The following KLF9 variants were observed in gnomAD, a reference collection of about 807,000 sequenced individuals.
KLF9 encodes the protein KLF transcription factor 9.
A neutral mutation model predicts 17.3 loss-of-function variants in KLF9; 2 were observed. The ratio of observed to expected loss-of-function variants is 0.12; its 90% confidence interval spans 0.05 to 0.36. The LOEUF is 0.36. KLF9 is among the 10% of genes least tolerant of loss of function. The pLI is 1.00. For synonymous variants in KLF9, 138 were observed against 139.2 expected (o/e 0.99, Z 0.06); for missense variants, 226 against 333.2 (o/e 0.68, Z 2.51).
At chr9:70,399,537 T>C (rs1201502228) in intron 1 of KLF9, among the ~76,000 whole-genome samples, 1 of 152,262 alleles carries the variant, frequency 6.6e-6, no homozygotes, top group Non-Finnish European at 1.5e-5. Flanking sequence ...GAACAGATTC[T>C]TTGAATCTTT....
chr9:70,387,900 C>T lies in KLF9; in HGVS notation c.611G>A (p.Arg204His), dbSNP rs1405270569. The T allele has an allele frequency of 3.1e-6, 5 of 1,614,006 alleles. No homozygotes were observed. The highest frequency in any genetic ancestry group is 4.5e-5 in the East Asian group (2 of 44,878). Residue 204 changes from arginine to histidine, a missense_variant, in exon 2 of 2, where the codon CGC becomes CAC. Transcript: ENST00000377126. ...GAAGCGCTTCTCACACAGCGGACAG[C>T]GGAACTGCTTTTCCCCAGTGTGGGT... ...YRTHTGEKQF[R>H]CPLCEKRFMR...
chr9:70,384,894 C>T lies in KLF9; in HGVS notation c.*2882G>A, dbSNP rs2037098955. The T allele has an allele frequency of 2.0e-5, 3 of 152,546 alleles. No homozygotes were observed. In the South Asian group the frequency reaches 6.2e-4, roughly 32 times the overall value. 9.4% of individuals were successfully genotyped at this position (152,546 alleles called of 1,614,324 possible). On this transcript the variant is annotated 3_prime_UTR_variant, in exon 2 of 2. Transcript: ENST00000377126. ...TAATCAGTTTCTGTAATTGTAACTA[C>T]CAAATAGAATTCTCAAGAGAAGCAT...
chr9:70,412,505 C>G (rs886389392), intron 1 of KLF9, among the ~76,000 whole-genome samples: 1 of 152,212 alleles, frequency 6.6e-6, no homozygotes, highest in Non-Finnish European at 1.5e-5. Context: ...CATCTGACTT[C>G]CCCGCTGCCA....
intron 1 of KLF9, among the ~76,000 whole-genome samples, chr9:70,410,101 A>G (rs896436143): frequency 6.6e-5 from 10 of 152,232 alleles, no homozygotes; most frequent in African/African-American, 2.2e-4. Flanking sequence ...CTTAAATGCC[A>G]AAAGAGATCC....
In KLF9 at chr9:70,387,803, C is replaced by T. The variant is rs763161783; in HGVS notation, c.708G>A (p.Ser236=). ...ACAAAGCGTTGGCCAGCGCCTTTTT[C>T]GATCGCTTGATCATGCTGGGGTGGA... The part of the protein sequence containing the change: ...TEFHPSMIKR[S]KKALANAL The change falls in exon 2 of 2, where the codon TCG becomes TCA. Residue 236 remains serine (S), a synonymous_variant. Coordinates refer to ENST00000377126, the MANE Select transcript of KLF9 (RefSeq NM_001206.4). 6 of 1,614,026 alleles carry T rather than the reference C, an allele frequency of 3.7e-6. No individual in the cohort carries two copies. Among genetic ancestry groups the T allele is most frequent in the Non-Finnish European group, 5.1e-6 (6 of 1,180,004 alleles).
In KLF9 at chr9:70,386,613, A is replaced by C. The variant is rs1022709858; in HGVS notation, c.*1163T>G. On this transcript the variant is annotated 3_prime_UTR_variant, in exon 2 of 2. Coordinates refer to ENST00000377126, the MANE Select transcript of KLF9 (RefSeq NM_001206.4). ...AGGAGACCAACAAACCTTTTTCCCCAAAAAATAGGTGTTTCCAGATCTCAT... is the reference window on the plus strand; with the variant it reads ...AGGAGACCAACAAACCTTTTTCCCCCAAAAATAGGTGTTTCCAGATCTCAT... 2.6e-5 allele frequency: 4 copies of C among 152,620 alleles called. No individual in the cohort carries two copies. Among genetic ancestry groups the C allele is most frequent in the African/African-American group, 7.2e-5 (3 of 41,450 alleles). 9.5% of individuals were successfully genotyped at this position (152,620 alleles called of 1,614,324 possible).
At chr9:70,401,840 C>A (rs896816584) in intron 1 of KLF9, among the ~76,000 whole-genome samples, 60 of 151,434 alleles carry the variant, frequency 4.0e-4, no homozygotes, top group African/African-American at 1.4e-3. Flanking sequence ...CATGGTAAAA[C>A]CCCGTCTCTA....
rs1323612019 is a variant in KLF9, at chr9:70,387,619, A to G, written c.*157T>C. 3 of 643,618 alleles carry G rather than the reference A, an allele frequency of 4.7e-6. No homozygotes were observed. The South Asian group carries it at 5.6e-5, about 12-fold the overall frequency. 39.9% of individuals were successfully genotyped at this position (643,618 alleles called of 1,614,324 possible). On this transcript the variant is annotated 3_prime_UTR_variant, in exon 2 of 2. Coordinates refer to ENST00000377126, the MANE Select transcript of KLF9 (RefSeq NM_001206.4). ...GGCTACAATGTGCTTTTTAAAAACAATGCAGGGAGAGGAAAATCAGAATAT... is the reference window on the plus strand; with the variant it reads ...GGCTACAATGTGCTTTTTAAAAACAGTGCAGGGAGAGGAAAATCAGAATAT...
chr9:70,397,252 A>T (rs1425695541), intron 1 of KLF9, among the ~76,000 whole-genome samples: 1 of 152,084 alleles, frequency 6.6e-6, no homozygotes, highest in Non-Finnish European at 1.5e-5. Flanking sequence ...AGGGGGGTGG[A>T]TCGCTTGAGG....
chr9:70,401,170 A>G (rs1258175362), intron 1 of KLF9, among the ~76,000 whole-genome samples: 1 of 109,516 alleles, frequency 9.1e-6, no homozygotes, highest in Non-Finnish European at 2.2e-5. Context: ...CCCATCTCCA[A>G]AAAAAAAAAA....
chr9:70,413,268 G>A lies in KLF9; in HGVS notation c.96C>T (p.Asp32=). The A allele has an allele frequency of 6.2e-7, 1 of 1,613,342 alleles. No individual in the cohort carries two copies. The highest frequency in any genetic ancestry group is 8.5e-7 in the Non-Finnish European group (1 of 1,179,928). Residue 32 remains aspartate (D), a synonymous_variant, in exon 1 of 2, where the codon GAC becomes GAT. Transcript: ENST00000377126. The surrounding 1 kb of genome is among the most constrained non-coding windows in gnomAD (Gnocchi z 5.6). ...GCTCAGGTAGTCGCAGCCGCTCGGC[G>A]TCCGGAGCGACCCCATGCTCCGGCA... ...AAVPEHGVAP[D]AERLRLPERE...
intron 1 of KLF9, among the ~76,000 whole-genome samples, chr9:70,410,205 C>T (rs1201295474): frequency 1.3e-5 from 2 of 152,200 alleles, no homozygotes; most frequent in Non-Finnish European, 1.5e-5. Context: ...TTTGCCAGAT[C>T]TTTTGATTTT....
chr9:70,394,094 A>G (rs1334825022), intron 1 of KLF9, among the ~76,000 whole-genome samples: 2 of 151,720 alleles, frequency 1.3e-5, no homozygotes, highest in Non-Finnish European at 2.9e-5. Context: ...AGATAAAAGA[A>G]GAATTTGGGC....
intron 1 of KLF9, among the ~76,000 whole-genome samples, chr9:70,401,729 A>G (rs1187532236): frequency 1.3e-5 from 2 of 151,098 alleles, no homozygotes; most frequent in East Asian, 3.9e-4. Flanking sequence ...AAGAAAAAAA[A>G]TTAGGCTGGC....
In KLF9 at chr9:70,409,038, G is replaced by GTA. The variant is rs1308287258; in HGVS notation, c.505+3819_505+3820dup. The stretch of plus-strand genomic sequence containing the variant: ...CACATATATGTATATATATATATGT[G>GTA]TATATATATATACATATATGTGTAT... On this transcript the variant is annotated intron_variant, in intron 1 of 1. Transcript: ENST00000377126. Among the ~76,000 whole-genome samples, 164 of 119,506 alleles carry GTA rather than the reference G, an allele frequency of 1.4e-3. 7 individuals are homozygous for GTA. In the East Asian group the frequency reaches 0.015, roughly 11 times the overall value. The allele number at this position is 119,506 out of a possible 152,430, so 78.4% of individuals were successfully genotyped here. A position where few individuals can be genotyped will look rare whatever the true frequency, so the allele number is the denominator to read the frequency against.
Position 70,387,418 on chromosome 9 carries a change from T to A in KLF9, c.*358A>T, listed in dbSNP as rs548411911. 5.4e-6 allele frequency: 1 copy of A among 184,452 alleles called. No homozygotes were observed. Among genetic ancestry groups the A allele is most frequent in the Non-Finnish European group, 1.1e-5 (1 of 87,958 alleles). 11.4% of individuals were successfully genotyped at this position (184,452 alleles called of 1,614,324 possible). On this transcript the variant is annotated 3_prime_UTR_variant, in exon 2 of 2. Transcript: ENST00000377126. Reference sequence around the variant, plus strand: ...TTAAAATTCTACCCCAGTCTTGGCCTTACCCCCCTCCCCCCCACCCACTCC... The same window carrying A: ...TTAAAATTCTACCCCAGTCTTGGCCATACCCCCCTCCCCCCCACCCACTCC...
intron 1 of KLF9, among the ~76,000 whole-genome samples, chr9:70,411,238 G>A (rs2118930541): frequency 6.6e-6 from 1 of 152,312 alleles, no homozygotes; most frequent in Admixed American, 6.5e-5. Flanking sequence ...GCACGACTGG[G>A]CAGCTCCCTG....
At chr9:70,411,356 A>G (rs760458297) in intron 1 of KLF9, among the ~76,000 whole-genome samples, 1 of 152,190 alleles carries the variant, frequency 6.6e-6, no homozygotes, top group Non-Finnish European at 1.5e-5. Flanking sequence ...GTTGGTGAGT[A>G]ACACCCTCCA....
rs896514467 is a variant in KLF9, at chr9:70,385,421, C to T, written c.*2355G>A. 1 of 152,558 alleles carries T rather than the reference C, an allele frequency of 6.6e-6. No homozygotes were observed. The highest frequency in any genetic ancestry group is 1.5e-5 in the Non-Finnish European group (1 of 68,014). 9.5% of individuals were successfully genotyped at this position (152,558 alleles called of 1,614,324 possible). ...AACAACTTGAAAAGGCAAGTAACAACTTTTTTGGGAAGTAAATTGTGCATT... is the reference window on the plus strand; with the variant it reads ...AACAACTTGAAAAGGCAAGTAACAATTTTTTTGGGAAGTAAATTGTGCATT... On this transcript the variant is annotated 3_prime_UTR_variant, in exon 2 of 2. Transcript: ENST00000377126.
Sources: gnomAD v4.1 joint callset for allele counts (sites outside exome capture counted in the v4.1 genomes callset) on GRCh38, gnomAD v4.1.1 for gene constraint, Gnocchi (gnomAD v3.1) non-coding constraint, MANE v1.5 for transcripts, NCBI Gene and HGNC (gene_info 2026-07-23, HGNC 2026-07-21) for gene names.